AFTPH: variants seen among roughly 807,000 people sequenced by gnomAD.
AFTPH encodes the protein aftiphilin protein.
A neutral mutation model predicts 72.5 loss-of-function variants in AFTPH; 7 were observed. The ratio of observed to expected loss-of-function variants is 0.10; its 90% confidence interval spans 0.05 to 0.18. The LOEUF is 0.18. Among genes scored for constraint, AFTPH ranks in the 10% least tolerant of loss-of-function variants. The probability of loss-of-function intolerance (pLI) is 1.00; values close to 1 mark genes in which losing one functional copy is unlikely to be tolerated. For synonymous variants in AFTPH, 337 were observed against 370.1 expected (o/e 0.91, Z 1.03); for missense variants, 979 against 1,060.5 (o/e 0.92, Z 1.07).
chr2:64,590,193 A>G (rs1025864524), intron 8 of AFTPH, among the ~76,000 whole-genome samples: 1 of 152,102 alleles, frequency 6.6e-6, no homozygotes, highest in African/African-American at 2.4e-5. Context: ...ATATCTCCTC[A>G]TTCCTTCTGT....
chr2:64,590,375 A>G (rs1230340883), intron 8 of AFTPH, among the ~76,000 whole-genome samples: 1 of 152,132 alleles, frequency 6.6e-6, no homozygotes, highest in Non-Finnish European at 1.5e-5. Context: ...ATTCAGGGTA[A>G]ATATTTTGGC....
In AFTPH at chr2:64,590,634, A is replaced by G. The variant is rs78127079; in HGVS notation, c.2580-1251A>G. Among the ~76,000 whole-genome samples, 711 of 152,330 alleles carry G rather than the reference A, an allele frequency of 4.7e-3. 5 individuals are homozygous for G. The highest frequency in any genetic ancestry group is 0.017 in the African/African-American group (687 of 41,566). On this transcript the variant is annotated intron_variant, in intron 8 of 8. Coordinates refer to ENST00000238856, the Ensembl canonical transcript of AFTPH. ...AAAAATGTAGATTTTCATCAGAAAA[A>G]AATGTTGGATTGCTATTCCATTCTT...
At chr2:64,575,747 A>ATTTT (rs201920735) in intron 6 of AFTPH, among the ~76,000 whole-genome samples, 50 of 109,806 alleles carry the variant, frequency 4.6e-4, no homozygotes, top group East Asian at 1.5e-3. Flanking sequence ...GTGTGTATAT[A>ATTTT]TTTTTTTTGG....
chr2:64,583,413 T>G (rs748530138), intron 7 of AFTPH, among the ~76,000 whole-genome samples: 46 of 146,908 alleles, frequency 3.1e-4, no homozygotes, highest in Admixed American at 1.1e-3. Context: ...TTGGGGGGGG[T>G]TTTGGTGTGG....
intron 2 of AFTPH, 102 bp from the exon 3 acceptor site, chr2:64,567,458 TCA>T: frequency 8.5e-7 from 1 of 1,171,212 alleles, no homozygotes; most frequent in South Asian, 1.7e-5. Context: ...TCTTCCTCTC[TCA>T]CAGTAGTGGA....
chr2:64,525,140 C>T (rs141202470), intron 1 of AFTPH, among the ~76,000 whole-genome samples: 204 of 152,342 alleles, frequency 1.3e-3, no homozygotes, highest in African/African-American at 4.4e-3. Context: ...GAGGGGACAG[C>T]CCCAAAGCTC....
chr2:64,591,408 G>A (rs1249741226), intron 8 of AFTPH, among the ~76,000 whole-genome samples: 2 of 152,230 alleles, frequency 1.3e-5, no homozygotes, highest in Non-Finnish European at 2.9e-5. Context: ...TTCCCCACTG[G>A]GGATAAAGAG....
chr2:64,567,192 C>G (rs998518338), intron 2 of AFTPH, among the ~76,000 whole-genome samples: 1 of 152,136 alleles, frequency 6.6e-6, no homozygotes, highest in Non-Finnish European at 1.5e-5. Context: ...TAAATGCTCT[C>G]TGGGTTTTTT....
intron 7 of AFTPH, among the ~76,000 whole-genome samples, chr2:64,584,364 A>G (rs1673377098): frequency 2.0e-5 from 3 of 152,134 alleles, no homozygotes; most frequent in African/African-American, 7.2e-5. Context: ...AATTTTTGCA[A>G]TAAATCTAAC....
chr2:64,546,886 A>C (rs1468333050), intron 1 of AFTPH, among the ~76,000 whole-genome samples: 2 of 146,246 alleles, frequency 1.4e-5, no homozygotes, highest in African/African-American at 2.5e-5. Flanking sequence ...AAAAAATCCA[A>C]AAAAAAAAAA....
chr2:64,529,322 T>G (rs1669463574), intron 1 of AFTPH, among the ~76,000 whole-genome samples: 1 of 152,002 alleles, frequency 6.6e-6, no homozygotes, highest in Non-Finnish European at 1.5e-5. Context: ...GAAGTTTTTT[T>G]TTTTTCACCA....
intron 3 of AFTPH, 125 bp from the exon 4 acceptor site, chr2:64,568,967 A>G (rs1672256483): frequency 9.8e-7 from 1 of 1,019,330 alleles, no homozygotes; most frequent in African/African-American, 1.6e-5. Flanking sequence ...TCAAATAGTT[A>G]TACACTTACG....
chr2:64,591,227 T>A (rs1673807310), intron 8 of AFTPH, among the ~76,000 whole-genome samples: 1 of 152,204 alleles, frequency 6.6e-6, no homozygotes, highest in African/African-American at 2.4e-5. Context: ...ATCTACTTCA[T>A]CTACAGGACC....
intron 5 of AFTPH, among the ~76,000 whole-genome samples, chr2:64,570,661 T>G (rs1672357235): frequency 6.6e-6 from 1 of 152,208 alleles, no homozygotes; most frequent in Non-Finnish European, 1.5e-5. Context: ...GTTATTTGGA[T>G]TTCTCTTTTT....
At chr2:64,531,978 T>A (rs1669656433) in intron 1 of AFTPH, among the ~76,000 whole-genome samples, 3 of 152,210 alleles carry the variant, frequency 2.0e-5, no homozygotes, top group African/African-American at 7.2e-5. Context: ...TTTAAACCTC[T>A]CAATATATTT....
chr2:64,546,686 A>G (rs1235896894), intron 1 of AFTPH, among the ~76,000 whole-genome samples: 2 of 152,056 alleles, frequency 1.3e-5, no homozygotes, highest in Non-Finnish European at 2.9e-5. Flanking sequence ...TCACTACCAA[A>G]TAGTTTAGTG....
At chr2:64,555,754 C>A (rs564235572) in intron 2 of AFTPH, among the ~76,000 whole-genome samples, 4 of 152,242 alleles carry the variant, frequency 2.6e-5, no homozygotes, top group African/African-American at 9.6e-5. Flanking sequence ...AATGGATAAA[C>A]CCTGCTGAGT....
At chr2:64,549,560 A>G (rs1267646258) in intron 1 of AFTPH, among the ~76,000 whole-genome samples, 4 of 151,730 alleles carry the variant, frequency 2.6e-5, no homozygotes, top group Non-Finnish European at 4.4e-5. Flanking sequence ...ACCTCAAGCA[A>G]TCTGCCCACC....
intron 1 of AFTPH, among the ~76,000 whole-genome samples, chr2:64,549,434 C>T (rs1349667104): frequency 2.0e-5 from 3 of 147,404 alleles, no homozygotes; most frequent in African/African-American, 7.4e-5. Flanking sequence ...GATTCTCCTG[C>T]CTCAGCTTCC....
Sources: allele counts gnomAD v4.1 joint callset (sites outside exome capture counted in the v4.1 genomes callset), GRCh38; gene constraint gnomAD v4.1.1; transcripts MANE v1.5; gene names NCBI Gene and HGNC (gene_info 2026-07-23, HGNC 2026-07-21).